CEP43: variants seen among roughly 807,000 people sequenced by gnomAD.
The protein encoded by CEP43 is centrosomal protein 43, also known as FGFR1 oncogene partner.
A neutral mutation model predicts 52.6 loss-of-function variants in CEP43; 36 were observed. The ratio of observed to expected loss-of-function variants is 0.68; its 90% CI spans 0.52 to 0.90. CEP43 has a LOEUF of 0.90. Ranked by LOEUF, CEP43 falls within the 40% of genes least tolerant of loss-of-function variation. The pLI, the probability that CEP43 is intolerant of heterozygous loss-of-function variation, is 0.00. For missense variants in CEP43, 506 were observed against 472.8 expected (o/e 1.07, Z -0.65); for synonymous variants, 192 against 172.4 (o/e 1.11, Z -0.89).
intron 5 of CEP43, among the ~76,000 whole-genome samples, chr6:167,005,021 A>T (rs1305244778): frequency 6.6e-6 from 1 of 152,208 alleles, no homozygotes; most frequent in Non-Finnish European, 1.5e-5. Context: ...TTATTTTCAT[A>T]CATTAATTTT....
At position 167,032,853 on chromosome 6, in the gene CEP43, T is replaced by A. The variant is rs373538118; in HGVS notation, c.1028+211T>A. Among the ~76,000 whole-genome samples, 13 of 152,266 alleles carry A rather than the reference T, an allele frequency of 8.5e-5. No homozygotes were observed. The South Asian group carries it at 2.5e-3, about 29-fold the overall frequency. ...TGATTTTACATTAGAATATAGACAG[T>A]CACATTATGTTCAGGAAACTTGGTA... On this transcript the variant is annotated intron_variant, in intron 11 of 12. Coordinates refer to ENST00000366847, the MANE Select transcript of CEP43 (RefSeq NM_007045.4).
intron 6 of CEP43, 102 bp downstream of exon 6, chr6:167,010,995 A>G (rs1779971919): frequency 3.5e-6 from 2 of 570,808 alleles, no homozygotes; most frequent in East Asian, 6.5e-5. Context: ...ATTGTTTTAT[A>G]TAAACACATG....
At position 167,047,688 on chromosome 6, in the gene CEP43, A is replaced by G. The variant is rs1043749375; in HGVS notation, c.*7710A>G. ...CCTTTCAAAACCTAATTCAGATGTC[A>G]CTTCCTCCTCAAAGCTCTCGCCCCG... On this transcript the variant is annotated 3_prime_UTR_variant, in exon 13 of 13. Coordinates refer to ENST00000366847, the MANE Select transcript of CEP43 (RefSeq NM_007045.4). 4 of 152,130 alleles carry G rather than the reference A, an allele frequency of 2.6e-5. No homozygotes were observed. Among genetic ancestry groups the G allele is most frequent in the Non-Finnish European group, 5.9e-5 (4 of 68,006 alleles). The allele number at this position is 152,130 out of a possible 1,614,324, so 9.4% of individuals were successfully genotyped here.
intron 2 of CEP43, 115 bp downstream of exon 2, chr6:167,000,228 C>A: frequency 2.5e-6 from 2 of 796,488 alleles, no homozygotes; most frequent in Non-Finnish European, 4.0e-6. Flanking sequence ...TAATTTTGAA[C>A]TGTTAAGGAT....
Position 167,004,283 on chromosome 6 carries a change from G to A in CEP43, c.320G>A (p.Arg107Gln). 1 of 1,605,438 alleles carries A rather than the reference G, an allele frequency of 6.2e-7. No individual in the cohort carries two copies. The highest frequency in any genetic ancestry group is 8.5e-7 in the Non-Finnish European group (1 of 1,176,528). ...ETSTLQGLEG[R>Q]ENLARDLGII... ...TTCTAGCTGCAAGGTCTCGAAGGTC[G>A]AGAGAATTTAGCCCGAGATTTAGGT... The change falls in exon 5 of 13, where the codon CGA becomes CAA. Residue 107 changes from arginine to glutamine, a missense_variant. Transcript: ENST00000366847.
Position 167,040,400 on chromosome 6 carries a change from A to G in CEP43, c.*422A>G, listed in dbSNP as rs1780671178. ...TCTGGAATCAGAGCTTACCCACCATAGTATATTTTGATATTAGGTGGTTCT... is the reference window on the plus strand; with the variant it reads ...TCTGGAATCAGAGCTTACCCACCATGGTATATTTTGATATTAGGTGGTTCT... On this transcript the variant is annotated 3_prime_UTR_variant, in exon 13 of 13. Coordinates refer to ENST00000366847, the MANE Select transcript of CEP43 (RefSeq NM_007045.4). 1.1e-5 allele frequency: 15 copies of G among 1,315,958 alleles called. No individual in the cohort carries two copies. Among genetic ancestry groups the G allele is most frequent in the African/African-American group, 4.4e-5 (3 of 67,926 alleles). 81.5% of individuals were successfully genotyped at this position (1,315,958 alleles called of 1,614,324 possible).
chr6:167,016,319 G>T (rs868042943), intron 7 of CEP43, among the ~76,000 whole-genome samples: 9 of 152,192 alleles, frequency 5.9e-5, no homozygotes, highest in African/African-American at 1.7e-4. Context: ...GAGTGCAGTG[G>T]TGTGATCATG....
At chr6:167,031,272 A>T (rs1780465200) in intron 10 of CEP43, among the ~76,000 whole-genome samples, 1 of 151,584 alleles carries the variant, frequency 6.6e-6, no homozygotes, top group Non-Finnish European at 1.5e-5. Context: ...AGGGCCTTTC[A>T]CATGTTTCCT....
chr6:167,009,733 G>A (rs1332056827), intron 5 of CEP43, among the ~76,000 whole-genome samples: 2 of 151,694 alleles, frequency 1.3e-5, no homozygotes, highest in East Asian at 3.9e-4. Context: ...CTACTTGAGA[G>A]GCTGAGGTGG....
intron 7 of CEP43, among the ~76,000 whole-genome samples, chr6:167,018,451 G>A (rs1409123477): frequency 1.4e-5 from 2 of 145,956 alleles, no homozygotes; most frequent in East Asian, 2.3e-4. Context: ...GTGCAGTGGC[G>A]GCGATTACAG....
At chr6:167,036,848 C>A in intron 12 of CEP43, 1 of 845,206 alleles carries the variant, frequency 1.2e-6, no homozygotes, top group Non-Finnish European at 1.4e-6. Context: ...CACTCTGTTG[C>A]CTAGGCTGGA....
rs1780528995 is a variant in CEP43, at chr6:167,033,967, A to G, written c.1121A>G (p.Asp374Gly). The change falls in exon 12 of 13, where the codon GAT becomes GGT. Residue 374 changes from aspartate to glycine, a missense_variant. By Grantham distance (94) the Asp-to-Gly change is moderately conservative. Transcript: ENST00000366847. Reference protein sequence around the residue: ...SVEIDDINTSDKLDDLTQDLT... With the variant: ...SVEIDDINTSGKLDDLTQDLT... ...GAAATAGATGACATCAATACCAGTG[A>G]TAAGGTATGGTGTTCTGCATTTCCC... 3 of 1,483,108 alleles carry G rather than the reference A, an allele frequency of 2.0e-6. No homozygotes were observed. The highest frequency in any genetic ancestry group is 1.4e-5 in the African/African-American group (1 of 71,702). 91.9% of individuals were successfully genotyped at this position (1,483,108 alleles called of 1,614,324 possible).
In CEP43 at chr6:167,044,613, C is replaced by A; in HGVS notation, c.*4635C>A. On this transcript the variant is annotated 3_prime_UTR_variant, in exon 13 of 13. Coordinates refer to ENST00000366847, the MANE Select transcript of CEP43 (RefSeq NM_007045.4). The stretch of plus-strand genomic sequence containing the variant: ...AGCGTTTTTGAATGTGAAATTTATT[C>A]CCTGATACATGTTTTTAAAAATGAA... 2 of 875,054 alleles carry A rather than the reference C, an allele frequency of 2.3e-6. No individual in the cohort carries two copies. Among genetic ancestry groups the A allele is most frequent in the South Asian group, 5.2e-5 (1 of 19,146 alleles). 54.2% of individuals were successfully genotyped at this position (875,054 alleles called of 1,614,324 possible). A position where few individuals can be genotyped will look rare whatever the true frequency, so the allele number is the denominator to read the frequency against.
chr6:167,039,141 T>C (rs1412728289), intron 12 of CEP43, among the ~76,000 whole-genome samples: 1 of 152,148 alleles, frequency 6.6e-6, no homozygotes, highest in Non-Finnish European at 1.5e-5. Flanking sequence ...TGTTACTTTT[T>C]TTTTTTGAGT....
rs189682055 is a variant in CEP43 at position 166,999,938 on chromosome 6, C to T, written c.103-122C>T. On this transcript the variant is annotated intron_variant, in intron 1 of 12. Coordinates refer to ENST00000366847, the MANE Select transcript of CEP43 (RefSeq NM_007045.4). Reference sequence around the variant, plus strand: ...ACTGAGAACGTTTCGGAAGGCGTTTCTGACCTTTGCACCTGCCCTCCCAGC... The same window carrying T: ...ACTGAGAACGTTTCGGAAGGCGTTTTTGACCTTTGCACCTGCCCTCCCAGC... The T allele has an allele frequency of 3.4e-5, 26 of 759,108 alleles. No individual in the cohort carries two copies. In the African/African-American group the frequency reaches 3.5e-4, roughly 10 times the overall value. 47.0% of individuals were successfully genotyped at this position (759,108 alleles called of 1,614,324 possible).
At chr6:167,015,435 A>G (rs1408208987) in intron 7 of CEP43, among the ~76,000 whole-genome samples, 2 of 152,128 alleles carry the variant, frequency 1.3e-5, no homozygotes, top group African/African-American at 4.8e-5. Flanking sequence ...AACATTCTCA[A>G]CATCTTCATC....
chr6:167,034,033 G>A (rs1780531028), intron 12 of CEP43, 62 bp downstream of exon 12: 2 of 714,096 alleles, frequency 2.8e-6, no homozygotes, highest in South Asian at 2.1e-5. Flanking sequence ...TCGATTTACT[G>A]TAAAGCTTCA....
intron 9 of CEP43, 124 bp from the exon 10 acceptor site, chr6:167,026,423 A>T: frequency 4.5e-6 from 3 of 668,336 alleles, no homozygotes; most frequent in Admixed American, 2.6e-5. Flanking sequence ...TTTTTTCCTT[A>T]GTTTTAGGTT....
At chr6:167,030,281 C>G (rs1336300342) in intron 10 of CEP43, among the ~76,000 whole-genome samples, 1 of 152,218 alleles carries the variant, frequency 6.6e-6, no homozygotes, top group African/African-American at 2.4e-5. Flanking sequence ...TCCTCACTGG[C>G]CTTCACACAT....
Sources: gnomAD v4.1 joint callset for allele counts (sites outside exome capture counted in the v4.1 genomes callset) on GRCh38, gnomAD v4.1.1 for gene constraint, MANE v1.5 for transcripts, NCBI Gene and HGNC (gene_info 2026-07-23, HGNC 2026-07-21) for gene names.